FSTL4: variants seen among roughly 807,000 people sequenced by gnomAD.
FSTL4 encodes the protein follistatin-related protein 4.
FSTL4 carries 28 observed loss-of-function variants against 78.2 expected under a neutral mutation model. The observed-to-expected ratio is 0.36, with a 90% CI of 0.27 to 0.49. The LOEUF (loss-of-function observed/expected upper bound fraction) is 0.49, where lower values mean the gene tolerates loss of function less well. FSTL4 is among the 20% of genes least tolerant of loss of function. The pLI, the probability that FSTL4 is intolerant of heterozygous loss-of-function variation, is 0.98. For synonymous variants in FSTL4, 422 were observed against 440.5 expected (o/e 0.96, Z 0.53); for missense variants, 922 against 1,084.9 (o/e 0.85, Z 2.11).
At chr5:133,527,577 C>T (rs996554556) in intron 3 of FSTL4, among the ~76,000 whole-genome samples, 1 of 152,188 alleles carries the variant, frequency 6.6e-6, no homozygotes, top group Non-Finnish European at 1.5e-5. Context: ...AACAGCCAAG[C>T]ATCATCCCTG....
At chr5:133,685,619 C>A in the FSTL4 span, among the ~76,000 whole-genome samples, 1 of 152,202 alleles carries the variant, frequency 6.6e-6, no homozygotes, top group Non-Finnish European at 1.5e-5. Context: ...CAGGCCCCAC[C>A]CAGGAGGGAA....
chr5:133,475,787 A>T (rs1392788504), intron 3 of FSTL4, among the ~76,000 whole-genome samples: 1 of 152,212 alleles, frequency 6.6e-6, no homozygotes, highest in Non-Finnish European at 1.5e-5. Context: ...AGTGGTCTGC[A>T]TAATCAGCCC....
At chr5:133,452,768 A>T (rs1002481671) in intron 3 of FSTL4, among the ~76,000 whole-genome samples, 5 of 152,216 alleles carry the variant, frequency 3.3e-5, no homozygotes, top group African/African-American at 1.2e-4. Flanking sequence ...TCTTCCAGGG[A>T]CCCCAGGCAG....
intron 1 of FSTL4, among the ~76,000 whole-genome samples, chr5:133,607,833 G>A (rs1431892517): frequency 6.6e-6 from 1 of 151,982 alleles, no homozygotes; most frequent in African/African-American, 2.4e-5. Context: ...ACCCCGGGAT[G>A]GGGGCCCCTG....
At chr5:133,819,350 G>T in the FSTL4 span, among the ~76,000 whole-genome samples, 1 of 151,980 alleles carries the variant, frequency 6.6e-6, no homozygotes, top group African/African-American at 2.4e-5. Flanking sequence ...AGGAATGCCC[G>T]GACCACCAAG....
chr5:133,447,495 C>A (rs25869), intron 3 of FSTL4, among the ~76,000 whole-genome samples: 28,671 of 152,056 alleles, frequency 0.19, 2,954 homozygotes, highest in Admixed American at 0.27. Context: ...TAAAGTTCAC[C>A]GAAACACATG....
chr5:133,771,906 T>C, the FSTL4 span, among the ~76,000 whole-genome samples: 1 of 152,208 alleles, frequency 6.6e-6, no homozygotes, highest in Non-Finnish European at 1.5e-5. Context: ...ACTGCCATAG[T>C]GGGTTTGATC....
chr5:133,361,334 G>C lies in FSTL4; in HGVS notation c.409+39404C>G, dbSNP rs189236841. 1.3e-5 allele frequency among the ~76,000 whole-genome samples: 2 copies of C among 152,138 alleles called. No homozygotes were observed. The highest frequency in any genetic ancestry group is 2.9e-5 in the Non-Finnish European group (2 of 68,034). ...CCTTTGTATGTTATCTTGAGATTTC[G>C]CGGTTGACTGCGATAATCCTTTATA... is the stretch of plus-strand genomic sequence containing the variant. On this transcript the variant is annotated intron_variant, in intron 4 of 15. Coordinates refer to ENST00000265342, the MANE Select transcript of FSTL4 (RefSeq NM_015082.2). This position sits in a 1 kb window ranked among gnomAD's most constrained non-coding sequence, Gnocchi z 4.3.
intron 6 of FSTL4, among the ~76,000 whole-genome samples, chr5:133,253,867 G>T (rs997886884): frequency 3.3e-5 from 5 of 152,178 alleles, no homozygotes; most frequent in African/African-American, 1.2e-4. Context: ...TTACCACTGT[G>T]CCAGCTGGCT....
At chr5:133,683,288 C>G in the FSTL4 span, among the ~76,000 whole-genome samples, 1 of 152,124 alleles carries the variant, frequency 6.6e-6, no homozygotes. Context: ...GCTATTTGTC[C>G]TCATAGAATT....
chr5:133,528,610 T>C (rs893920037), intron 3 of FSTL4, among the ~76,000 whole-genome samples: 1 of 152,100 alleles, frequency 6.6e-6, no homozygotes, highest in African/African-American at 2.4e-5. Context: ...GGCACGCTCC[T>C]CTGTGAACAC....
At chr5:133,672,793 T>C in the FSTL4 span, among the ~76,000 whole-genome samples, 23 of 152,192 alleles carry the variant, frequency 1.5e-4, no homozygotes, top group African/African-American at 5.5e-4. Context: ...AAGAATCAGC[T>C]TGTGAACCCA....
rs73282039 is a variant in FSTL4 at position 133,321,457 on chromosome 5, C to T, written c.410-4805G>A. On this transcript the variant is annotated intron_variant, in intron 4 of 15. Transcript: ENST00000265342. ...TGATCCACAGGATACTTTACTCCTT[C>T]GGAGGGAAGGTCCCTGGGGTGTGTG... 3.0e-3 allele frequency among the ~76,000 whole-genome samples: 462 copies of T among 152,320 alleles called. 2 individuals are homozygous for T. Among genetic ancestry groups the T allele is most frequent in the African/African-American group, 9.7e-3 (402 of 41,548 alleles).
At chr5:133,447,236 A>C (rs888362712) in intron 3 of FSTL4, among the ~76,000 whole-genome samples, 2 of 152,198 alleles carry the variant, frequency 1.3e-5, no homozygotes, top group Non-Finnish European at 2.9e-5. Flanking sequence ...TGTGGGCACC[A>C]CCTGTCCAAG....
upstream of FSTL4, among the ~76,000 whole-genome samples, chr5:133,614,428 C>T (rs763176819): frequency 3.9e-5 from 6 of 152,114 alleles, no homozygotes. Context: ...AGAGAGAATG[C>T]TAACATCTGA....
intron 3 of FSTL4, among the ~76,000 whole-genome samples, chr5:133,409,758 T>G (rs2126978806): frequency 6.6e-6 from 1 of 152,320 alleles, no homozygotes; most frequent in Middle Eastern, 3.4e-3. Context: ...GACCCAAGAC[T>G]GGCTGGATAG....
chr5:133,343,096 C>A (rs993272669), intron 4 of FSTL4, among the ~76,000 whole-genome samples: 1 of 152,142 alleles, frequency 6.6e-6, no homozygotes, highest in Non-Finnish European at 1.5e-5. Flanking sequence ...TCTTGTCGCA[C>A]GGGTGATTAT....
At chr5:133,516,648 T>C (rs1187499124) in intron 3 of FSTL4, among the ~76,000 whole-genome samples, 1 of 152,210 alleles carries the variant, frequency 6.6e-6, no homozygotes, top group Non-Finnish European at 1.5e-5. Context: ...ACAAAAATTA[T>C]TCAAATTCAC....
the FSTL4 span, among the ~76,000 whole-genome samples, chr5:133,755,620 C>G: frequency 6.6e-6 from 1 of 152,170 alleles, no homozygotes; most frequent in East Asian, 1.9e-4. Context: ...GCCTGATGGG[C>G]TTCTACTTGC....
Sources: gnomAD v4.1 joint callset for allele counts (sites outside exome capture counted in the v4.1 genomes callset) on GRCh38, gnomAD v4.1.1 for gene constraint, Gnocchi (gnomAD v3.1) non-coding constraint, MANE v1.5 for transcripts, NCBI Gene and HGNC (gene_info 2026-07-23, HGNC 2026-07-21) for gene names.